The following AMPD1 variants were observed in gnomAD, a reference collection of about 807,000 sequenced individuals.
AMPD1 encodes the protein adenosine monophosphate deaminase 1, also known as AMP deaminase 1.
Under a neutral mutation model 82.9 loss-of-function variants are expected in AMPD1, and 74 were observed. That is an observed-to-expected ratio of 0.89 (90% CI 0.74 to 1.08). The LOEUF is 1.08. Among genes scored for constraint, AMPD1 ranks in the 50% least tolerant of loss-of-function variants. AMPD1 has a pLI of 0.00. For synonymous variants in AMPD1, 333 were observed against 320.5 expected, an observed-to-expected ratio of 1.04 and a Z score of -0.42; for missense variants, 881 against 924.5, an observed-to-expected ratio of 0.95 and a Z score of 0.61.
intron 5 of AMPD1, chr1:114,683,216 G>T (rs994143099): frequency 1.0e-5 from 4 of 399,958 alleles, no homozygotes; most frequent in Non-Finnish European, 1.9e-5. Context: ...GGCAAGAAAT[G>T]ATAGTATTTG....
At chr1:114,684,588 C>T (rs1015391445) in intron 4 of AMPD1, 7 of 593,006 alleles carry the variant, frequency 1.2e-5, no homozygotes, top group Non-Finnish European at 1.8e-5. Flanking sequence ...ACTTACCTGT[C>T]CTACTAGTCT....
intron 3 of AMPD1, among the ~76,000 whole-genome samples, chr1:114,688,277 A>G (rs1267280215): frequency 1.3e-5 from 2 of 152,074 alleles, no homozygotes; most frequent in Non-Finnish European, 2.9e-5. Context: ...ACAGGCATGC[A>G]CCACAGTGCC....
chr1:114,678,607 A>AT, intron 7 of AMPD1, 80 bp from the exon 8 acceptor site: 3 of 1,291,398 alleles, frequency 2.3e-6, no homozygotes, highest in Non-Finnish European at 3.3e-6. Context: ...TGGTGCTGCA[A>AT]ATCCCACTGC....
intron 3 of AMPD1, among the ~76,000 whole-genome samples, chr1:114,688,170 C>T (rs954200731): frequency 1.3e-5 from 2 of 152,028 alleles, no homozygotes; most frequent in Non-Finnish European, 2.9e-5. Context: ...CTCTGTCACG[C>T]AGGCTGGAGT....
chr1:114,689,601 G>T (rs1367501611), intron 2 of AMPD1, among the ~76,000 whole-genome samples: 1 of 152,194 alleles, frequency 6.6e-6, no homozygotes, highest in Non-Finnish European at 1.5e-5. Flanking sequence ...TGGATCCCTT[G>T]ATGGCAGGAG....
In AMPD1 at chr1:114,675,550, C is replaced by G. The variant is rs1657954756; in HGVS notation, c.1659G>C (p.Met553Ile). The change falls in exon 12 of 16, where the codon ATG (methionine) becomes ATC (isoleucine). Residue 553 changes from methionine to isoleucine, a missense_variant. Coordinates refer to ENST00000520113, the MANE Select transcript of AMPD1 (RefSeq NM_000036.3). ...CTTACTTTCTCAGGCTGTTGAGCACCATGATGTTTGCATACATGTAGTAGG... is the reference window on the plus strand; with the variant it reads ...CTTACTTTCTCAGGCTGTTGAGCACGATGATGTTTGCATACATGTAGTAGG... ...YYAYYMYANI[M>I]VLNSLRKERG... 1.2e-6 allele frequency: 2 copies of G among 1,614,142 alleles called. No individual in the cohort carries two copies. Among genetic ancestry groups the G allele is most frequent in the Non-Finnish European group, 8.5e-7 (1 of 1,180,016 alleles).
At chr1:114,678,271 AGG>A in intron 8 of AMPD1, 60 bp downstream of exon 8, 1 of 1,577,352 alleles carries the variant, frequency 6.3e-7, no homozygotes, top group Non-Finnish European at 8.7e-7. Context: ...GAGGGCTTGT[AGG>A]AGAAAGACAT....
chr1:114,678,188 C>G (rs375552614), intron 8 of AMPD1, 145 bp downstream of exon 8: 2 of 1,456,398 alleles, frequency 1.4e-6, no homozygotes, highest in Non-Finnish European at 9.6e-7. Flanking sequence ...TGACAATGAG[C>G]AAACTTCAAA....
chr1:114,695,055 A>T (rs1453759549), intron 1 of AMPD1, among the ~76,000 whole-genome samples: 1 of 152,176 alleles, frequency 6.6e-6, no homozygotes. Context: ...CTCGTGAACC[A>T]TCAGAATACA....
intron 2 of AMPD1, 56 bp from the exon 3 acceptor site, chr1:114,688,797 A>G: frequency 6.3e-7 from 1 of 1,592,972 alleles, no homozygotes; most frequent in Non-Finnish European, 8.6e-7. Context: ...GTCAGCTGAG[A>G]GTTTCTGCTA....
intron 5 of AMPD1, among the ~76,000 whole-genome samples, chr1:114,683,900 T>C (rs1205103952): frequency 4.6e-5 from 7 of 152,212 alleles, no homozygotes; most frequent in South Asian, 2.1e-4. Context: ...AAAGTAAAGA[T>C]GAACCAAAAG....
intron 12 of AMPD1, 55 bp downstream of exon 12, chr1:114,675,475 T>C: frequency 6.3e-7 from 1 of 1,577,084 alleles, no homozygotes; most frequent in East Asian, 2.2e-5. Context: ...TGCCAATATA[T>C]GTGGAAAGAG....
chr1:114,689,112 G>T (rs942654080), intron 2 of AMPD1, among the ~76,000 whole-genome samples: 1 of 152,186 alleles, frequency 6.6e-6, no homozygotes, highest in African/African-American at 2.4e-5. Context: ...CATTAGGTTG[G>T]TGGAGTTTTT....
chr1:114,680,136 C>T (rs1557970619), intron 6 of AMPD1, 123 bp downstream of exon 6: 1 of 889,122 alleles, frequency 1.1e-6, no homozygotes, highest in Middle Eastern at 3.2e-4. Flanking sequence ...GGGCTTAATA[C>T]AGTGTTTGAA....
intron 15 of AMPD1, 47 bp downstream of exon 15, chr1:114,673,592 T>C: frequency 1.4e-6 from 2 of 1,467,544 alleles, no homozygotes; most frequent in Non-Finnish European, 1.9e-6. Flanking sequence ...GTATTCAAGT[T>C]AGCAGACCCT....
chr1:114,692,164 C>G (rs906930074), intron 2 of AMPD1, among the ~76,000 whole-genome samples: 2 of 152,190 alleles, frequency 1.3e-5, no homozygotes, highest in Non-Finnish European at 2.9e-5. Context: ...AAGTGCAAGA[C>G]TCTTGAGAAG....
At chr1:114,691,542 TG>T (rs796104882) in intron 2 of AMPD1, among the ~76,000 whole-genome samples, 98 of 152,236 alleles carry the variant, frequency 6.4e-4, no homozygotes, top group African/African-American at 2.2e-3. Flanking sequence ...CACTCCAGCA[TG>T]GGCGACAGAG....
At chr1:114,677,268 CA>C in intron 10 of AMPD1, 82 bp downstream of exon 10, 1 of 1,560,002 alleles carries the variant, frequency 6.4e-7, no homozygotes, top group South Asian at 1.1e-5. Context: ...TCTAGATGGG[CA>C]ACACGTTCCT....
intron 2 of AMPD1, among the ~76,000 whole-genome samples, chr1:114,693,164 A>ATAAATAAG (rs1553242463): frequency 2.9e-5 from 4 of 138,968 alleles, no homozygotes; most frequent in African/African-American, 1.1e-4. Context: ...AAATAAATAA[A>ATAAATAAG]TAAGTAAAAG....
Sources: gnomAD v4.1 joint callset for allele counts (sites outside exome capture counted in the v4.1 genomes callset) on GRCh38, gnomAD v4.1.1 for gene constraint, MANE v1.5 for transcripts, NCBI Gene and HGNC (gene_info 2026-07-23, HGNC 2026-07-21) for gene names.